Variants in CAMTA1 observed in about 807,000 individuals in gnomAD.
CAMTA1 encodes the protein calmodulin binding transcription activator 1.
In CAMTA1, 27 loss-of-function variants were observed where a neutral mutation model predicts 170.9. That is an observed-to-expected ratio of 0.16 (90% CI 0.12 to 0.22). The LOEUF is 0.22. Among genes scored for constraint, CAMTA1 ranks in the 10% least tolerant of loss-of-function variants. CAMTA1 has a pLI of 1.00. For synonymous variants in CAMTA1, 833 were observed against 891.5 expected (o/e 0.93, Z 1.17); for missense variants, 1,619 against 2,217.2 (o/e 0.73, Z 5.42).
intron 5 of CAMTA1, among the ~76,000 whole-genome samples, chr1:7,395,165 G>A (rs2089184243): frequency 6.6e-6 from 1 of 152,186 alleles, no homozygotes; most frequent in South Asian, 2.1e-4. Context: ...TTACAGGCGT[G>A]AGCCACCGCA....
At chr1:7,755,504 A>G (rs2096925786) in intron 21 of CAMTA1, 134 bp from the exon 22 acceptor site, 4 of 730,936 alleles carry the variant, frequency 5.5e-6, no homozygotes, top group Non-Finnish European at 9.7e-6. Flanking sequence ...GTACCCCACC[A>G]TCACTCTCCT....
At chr1:7,505,647 A>T (rs2094093632) in intron 6 of CAMTA1, among the ~76,000 whole-genome samples, 1 of 152,096 alleles carries the variant, frequency 6.6e-6, no homozygotes, top group Admixed American at 6.5e-5. Context: ...CCAGGCCAGG[A>T]GACAGCCCAC....
intron 3 of CAMTA1, among the ~76,000 whole-genome samples, chr1:7,046,040 G>C (rs1468484385): frequency 1.3e-5 from 2 of 152,164 alleles, no homozygotes; most frequent in Non-Finnish European, 2.9e-5. Context: ...GGATTCTCCA[G>C]TGGGTGCCTT....
intron 11 of CAMTA1, among the ~76,000 whole-genome samples, chr1:7,688,196 A>ATGGG (rs398069409): frequency 6.7e-6 from 1 of 150,250 alleles, no homozygotes; most frequent in African/African-American, 2.5e-5. Flanking sequence ...TTTAGTACAG[A>ATGGG]GTTTCACCAT....
chr1:7,662,409 A>G (rs1379073294), intron 8 of CAMTA1, among the ~76,000 whole-genome samples: 2 of 151,710 alleles, frequency 1.3e-5, no homozygotes, highest in Admixed American at 1.3e-4. Context: ...ACTTAATTAG[A>G]TAGTCCCATT....
intron 6 of CAMTA1, among the ~76,000 whole-genome samples, chr1:7,593,227 C>G (rs1374417247): frequency 2.0e-5 from 3 of 152,152 alleles, no homozygotes; most frequent in African/African-American, 7.2e-5. Flanking sequence ...GGGACAGGTC[C>G]TAGGTCTCAC....
intron 3 of CAMTA1, among the ~76,000 whole-genome samples, chr1:6,997,602 C>T (rs1238147711): frequency 2.6e-5 from 4 of 151,498 alleles, no homozygotes. Flanking sequence ...CCTGGGTCTC[C>T]TGTGACATGG....
intron 11 of CAMTA1, among the ~76,000 whole-genome samples, chr1:7,727,121 ATTTT>A (rs71567310): frequency 7.7e-6 from 1 of 130,356 alleles, no homozygotes. Flanking sequence ...CCTTGTATTA[ATTTT>A]TTTTTTTTTT....
At chr1:7,737,656 T>A in intron 15 of CAMTA1, 86 bp downstream of exon 15, 2 of 1,260,452 alleles carry the variant, frequency 1.6e-6, no homozygotes, top group Non-Finnish European at 2.2e-6. Context: ...GTCCATAGGA[T>A]AGTCACATAC....
chr1:6,862,954 T>C (rs1665301117), intron 3 of CAMTA1, among the ~76,000 whole-genome samples: 1 of 152,218 alleles, frequency 6.6e-6, no homozygotes, highest in African/African-American at 2.4e-5. Context: ...GTGACAAGAA[T>C]ATAAATCATC....
At chr1:7,600,448 G>C (rs2095431226) in intron 6 of CAMTA1, among the ~76,000 whole-genome samples, 1 of 151,612 alleles carries the variant, frequency 6.6e-6, no homozygotes, top group Non-Finnish European at 1.5e-5. Flanking sequence ...GATAACGCTG[G>C]CCTCATAAAA....
chr1:7,000,315 A>G (rs1698036044), intron 3 of CAMTA1, among the ~76,000 whole-genome samples: 1 of 152,158 alleles, frequency 6.6e-6, no homozygotes, highest in African/African-American at 2.4e-5. Context: ...TCTACCCAAG[A>G]CTTTCCTCTT....
At chr1:7,203,817 T>C (rs1034716082) in intron 4 of CAMTA1, among the ~76,000 whole-genome samples, 2 of 151,654 alleles carry the variant, frequency 1.3e-5, no homozygotes, top group Non-Finnish European at 2.9e-5. Flanking sequence ...GTTTCATCAA[T>C]TTTCTTTACT....
At chr1:7,716,003 G>T (rs1162844135) in intron 11 of CAMTA1, among the ~76,000 whole-genome samples, 3 of 152,166 alleles carry the variant, frequency 2.0e-5, no homozygotes, top group Non-Finnish European at 4.4e-5. Flanking sequence ...TATCAGAAGG[G>T]TCTATGATGA....
chr1:7,154,118 T>C (rs1293120881), intron 4 of CAMTA1, among the ~76,000 whole-genome samples: 1 of 152,116 alleles, frequency 6.6e-6, no homozygotes, highest in Non-Finnish European at 1.5e-5. Context: ...TAGGGTGGGT[T>C]TGTGGCAGGT....
intron 6 of CAMTA1, among the ~76,000 whole-genome samples, chr1:7,574,793 G>A (rs2095170775): frequency 6.6e-6 from 1 of 152,150 alleles, no homozygotes; most frequent in South Asian, 2.1e-4. Flanking sequence ...TGGAAGAAAA[G>A]TTCCAGGCTT....
At chr1:7,447,653 G>A (rs2092713618) in intron 5 of CAMTA1, among the ~76,000 whole-genome samples, 1 of 152,154 alleles carries the variant, frequency 6.6e-6, no homozygotes, top group South Asian at 2.1e-4. Flanking sequence ...ACTCAGAGCA[G>A]CCCTGCCAGT....
intron 8 of CAMTA1, among the ~76,000 whole-genome samples, chr1:7,663,065 C>T (rs1327979087): frequency 1.3e-5 from 2 of 152,210 alleles, no homozygotes; most frequent in African/African-American, 2.4e-5. Flanking sequence ...TTCTCCTTCC[C>T]AACTTCCCAT....
chr1:7,584,224 T>C (rs1353527392), intron 6 of CAMTA1, among the ~76,000 whole-genome samples: 1 of 151,876 alleles, frequency 6.6e-6, no homozygotes, highest in Non-Finnish European at 1.5e-5. Flanking sequence ...GGTCTTACAG[T>C]AGGGGAGAGA....
Sources: gnomAD v4.1 joint callset for allele counts (sites outside exome capture counted in the v4.1 genomes callset) on GRCh38, gnomAD v4.1.1 for gene constraint, MANE v1.5 for transcripts, NCBI Gene and HGNC (gene_info 2026-07-23, HGNC 2026-07-21) for gene names.